The following BACH2 variants were observed in gnomAD, a reference collection of about 807,000 sequenced individuals.
The protein encoded by BACH2 is transcription regulator protein BACH2.
Under a neutral mutation model 61.8 loss-of-function variants are expected in BACH2, and 5 were observed. That is an observed-to-expected ratio of 0.08 (90% CI 0.04 to 0.17). BACH2 has a LOEUF of 0.17. Among genes scored for constraint, BACH2 ranks in the 10% least tolerant of loss-of-function variants. BACH2 has a pLI of 1.00. For synonymous variants in BACH2, 446 were observed against 440.1 expected (o/e 1.01, Z -0.17); for missense variants, 824 against 1,091.1 (o/e 0.76, Z 3.45).
chr6:90,194,953 A>G (rs1768705446), intron 4 of BACH2, among the ~76,000 whole-genome samples: 1 of 152,240 alleles, frequency 6.6e-6, no homozygotes, highest in Admixed American at 6.5e-5. Flanking sequence ...AAATAAATGT[A>G]AATGCCCTTT....
chr6:90,193,011 T>C (rs1768627787), intron 4 of BACH2, among the ~76,000 whole-genome samples: 1 of 152,252 alleles, frequency 6.6e-6, no homozygotes, highest in African/African-American at 2.4e-5. Flanking sequence ...TGTGGCCATC[T>C]AGCACAATCA....
intron 3 of BACH2, among the ~76,000 whole-genome samples, chr6:90,239,778 C>T (rs1162671309): frequency 6.8e-6 from 1 of 146,450 alleles, no homozygotes; most frequent in Non-Finnish European, 1.5e-5. Flanking sequence ...TGCATGATCT[C>T]CATAGTAAGG....
In BACH2 at chr6:90,092,280, T is replaced by TAAAAAAAAAAAA. The variant is rs200675044; in HGVS notation, c.-161-3183_-161-3172dup. Reference sequence around the variant, plus strand: ...CTGTGCAATTGGCACACTGTCAAAGTAAAAAAAAAAAATATATATATATAT... The same window carrying TAAAAAAAAAAAA: ...CTGTGCAATTGGCACACTGTCAAAGTAAAAAAAAAAAAAAAAAAAAAAAATATATATATATAT... On this transcript the variant is annotated intron_variant, in intron 4 of 8. Transcript: ENST00000257749. Among the ~76,000 whole-genome samples, 615 of 74,738 alleles carry TAAAAAAAAAAAA rather than the reference T, an allele frequency of 8.2e-3. 3 individuals carry two copies. Among genetic ancestry groups the TAAAAAAAAAAAA allele is most frequent in the South Asian group, 9.9e-3 (18 of 1,826 alleles). The allele number at this position is 74,738 out of a possible 152,430, so 49.0% of individuals were successfully genotyped here.
rs1308039358 is a variant in BACH2, at chr6:90,293,669, AG to A, written c.-446+2810del. On this transcript the variant is annotated intron_variant, in intron 1 of 8. Coordinates refer to ENST00000257749, the MANE Select transcript of BACH2 (RefSeq NM_021813.4). Reference sequence around the variant, plus strand: ...GCAACAAATTGAAGAGCACATGGCTAGAGTTAATTGTCTCATCTGTAATCTG... The same window carrying A: ...GCAACAAATTGAAGAGCACATGGCTAAGTTAATTGTCTCATCTGTAATCTG... Among the ~76,000 whole-genome samples, 16 of 152,350 alleles carry A rather than the reference AG, an allele frequency of 1.1e-4. 1 individual carries two copies. The East Asian group carries it at 2.9e-3, about 28-fold the overall frequency.
chr6:90,034,067 G>T (rs752024938), intron 5 of BACH2, among the ~76,000 whole-genome samples: 1 of 152,042 alleles, frequency 6.6e-6, no homozygotes. Flanking sequence ...CTACACCCTG[G>T]GTTACCCTCA....
At chr6:89,963,887 AT>A (rs1774891964) in intron 6 of BACH2, among the ~76,000 whole-genome samples, 1 of 152,250 alleles carries the variant, frequency 6.6e-6, no homozygotes, top group African/African-American at 2.4e-5. Flanking sequence ...AAGGAAGAAA[AT>A]CCTGTCACGT....
chr6:90,101,310 G>A (rs1782616684), intron 4 of BACH2, among the ~76,000 whole-genome samples: 1 of 152,088 alleles, frequency 6.6e-6, no homozygotes, highest in African/African-American at 2.4e-5. Context: ...AGAATCCACT[G>A]CCTAACGCAA....
chr6:90,246,702 G>A (rs1263540740), intron 3 of BACH2, among the ~76,000 whole-genome samples: 2 of 152,040 alleles, frequency 1.3e-5, no homozygotes, highest in African/African-American at 4.8e-5. Context: ...TTTATTTTAA[G>A]GTGATTTGAA....
intron 5 of BACH2, among the ~76,000 whole-genome samples, chr6:90,083,236 T>C (rs1257612088): frequency 6.6e-6 from 1 of 152,106 alleles, no homozygotes; most frequent in Admixed American, 6.5e-5. Flanking sequence ...AATCAACAGA[T>C]TGGAAACTAT....
chr6:89,998,853 A>C (rs1228198073), intron 6 of BACH2, among the ~76,000 whole-genome samples: 1 of 152,214 alleles, frequency 6.6e-6, no homozygotes, highest in African/African-American at 2.4e-5. Flanking sequence ...GTCTGCTTTT[A>C]TAACTGCACA....
At chr6:89,989,559 G>C (rs996678330) in intron 6 of BACH2, among the ~76,000 whole-genome samples, 3 of 152,228 alleles carry the variant, frequency 2.0e-5, no homozygotes, top group Admixed American at 6.5e-5. Context: ...TATCCTCCGG[G>C]CGTGGAGCAT....
In BACH2 at chr6:90,296,577, G is replaced by T. The variant is rs530806306; in HGVS notation, c.-543C>A. On this transcript the variant is annotated 5_prime_UTR_variant, in exon 1 of 9. Coordinates refer to ENST00000257749, the MANE Select transcript of BACH2 (RefSeq NM_021813.4). The stretch of plus-strand genomic sequence containing the variant: ...CAGCCGGCGAGGTGGGCAGTTCGTG[G>T]GTCACCGAAAGCTCGCGGAGGGGAC... 1.1e-4 allele frequency: 16 copies of T among 151,898 alleles called. No individual in the cohort carries two copies. Among genetic ancestry groups the T allele is most frequent in the Admixed American group, 9.8e-4 (15 of 15,250 alleles). 9.4% of individuals were successfully genotyped at this position (151,898 alleles called of 1,614,324 possible).
intron 5 of BACH2, among the ~76,000 whole-genome samples, chr6:90,014,944 ATTTTTTT>A (rs386407909): frequency 8.2e-5 from 11 of 133,636 alleles, no homozygotes; most frequent in East Asian, 6.6e-4. Flanking sequence ...ATGTTCAGCT[ATTTTTTT>A]TTTTTTTTTG....
At chr6:90,295,460 T>C (rs2127896196) in intron 1 of BACH2, among the ~76,000 whole-genome samples, 1 of 152,066 alleles carries the variant, frequency 6.6e-6, no homozygotes, top group African/African-American at 2.4e-5. Context: ...GTCTCTCCCC[T>C]CGTGGGCACC....
At chr6:90,175,177 G>GTTAGAA (rs1298340691) in intron 4 of BACH2, among the ~76,000 whole-genome samples, 4 of 152,054 alleles carry the variant, frequency 2.6e-5, no homozygotes, top group African/African-American at 9.7e-5. Flanking sequence ...TGTTAGAAAT[G>GTTAGAA]CATTTTAAAG....
chr6:90,187,810 T>C (rs1427845834), intron 4 of BACH2, among the ~76,000 whole-genome samples: 2 of 152,244 alleles, frequency 1.3e-5, no homozygotes, highest in East Asian at 3.8e-4. Context: ...AGTGGTTTCA[T>C]TTAACTCTCA....
chr6:90,290,052 G>T (rs1211623015), intron 1 of BACH2, among the ~76,000 whole-genome samples: 1 of 152,060 alleles, frequency 6.6e-6, no homozygotes, highest in Non-Finnish European at 1.5e-5. Flanking sequence ...ATCAATTCTG[G>T]ACTCTGTATA....
intron 6 of BACH2, among the ~76,000 whole-genome samples, chr6:89,966,246 T>C (rs1775040931): frequency 6.6e-6 from 1 of 152,212 alleles, no homozygotes; most frequent in Admixed American, 6.5e-5. Flanking sequence ...TACTCAAAGC[T>C]GTACAGTAAG....
chr6:90,190,988 T>G (rs755617141), intron 4 of BACH2, among the ~76,000 whole-genome samples: 94 of 152,200 alleles, frequency 6.2e-4, no homozygotes, highest in Non-Finnish European at 1.1e-3. Flanking sequence ...AAATCAGGCC[T>G]ATCATTTTGC....
Sources: allele counts gnomAD v4.1 joint callset (sites outside exome capture counted in the v4.1 genomes callset), GRCh38; gene constraint gnomAD v4.1.1; transcripts MANE v1.5; gene names NCBI Gene and HGNC (gene_info 2026-07-23, HGNC 2026-07-21).